TEK: variants seen among roughly 807,000 people sequenced by gnomAD.
TEK encodes the protein TEK receptor tyrosine kinase.
TEK carries 43 observed loss-of-function variants against 131.8 expected under a neutral mutation model. The ratio of observed to expected loss-of-function variants is 0.33; its 90% confidence interval spans 0.26 to 0.42. TEK has a LOEUF of 0.42. Among genes scored for constraint, TEK ranks in the 10% least tolerant of loss-of-function variants. The probability of loss-of-function intolerance (pLI) is 1.00; values close to 1 mark genes in which losing one functional copy is unlikely to be tolerated. For missense variants in TEK, 1,162 were observed against 1,384.4 expected (o/e 0.84, Z 2.55); for synonymous variants, 580 against 491.6 (o/e 1.18, Z -2.38).
intron 6 of TEK, among the ~76,000 whole-genome samples, chr9:27,177,589 A>G (rs2131158766): frequency 6.6e-6 from 1 of 152,158 alleles, no homozygotes; most frequent in East Asian, 1.9e-4. Context: ...CGTCTCTACT[A>G]AAAATACAGA....
At chr9:27,188,149 C>T (rs948445821) in intron 9 of TEK, among the ~76,000 whole-genome samples, 1 of 152,066 alleles carries the variant, frequency 6.6e-6, no homozygotes, top group Non-Finnish European at 1.5e-5. Context: ...AAAGAACAGG[C>T]AATACTAATC....
chr9:27,189,304 A>T (rs1259217446), intron 9 of TEK, among the ~76,000 whole-genome samples: 2 of 152,134 alleles, frequency 1.3e-5, no homozygotes, highest in Non-Finnish European at 2.9e-5. Flanking sequence ...TTTTATTATC[A>T]TCCCACTAAG....
At chr9:27,176,507 G>T (rs1348239325) in intron 6 of TEK, among the ~76,000 whole-genome samples, 2 of 152,168 alleles carry the variant, frequency 1.3e-5, no homozygotes, top group Non-Finnish European at 2.9e-5. Context: ...TCTACCATCT[G>T]CTTTGAGTAA....
intron 18 of TEK, among the ~76,000 whole-genome samples, chr9:27,216,106 G>T (rs1587034474): frequency 6.6e-6 from 1 of 152,182 alleles, no homozygotes; most frequent in African/African-American, 2.4e-5. Context: ...AGGAAGCAAG[G>T]ATAAAGTCCT....
intron 1 of TEK, among the ~76,000 whole-genome samples, chr9:27,154,934 A>G (rs1307075114): frequency 6.6e-6 from 1 of 152,234 alleles, no homozygotes; most frequent in Non-Finnish European, 1.5e-5. Flanking sequence ...TAATTTATAC[A>G]TAGCTTGGTT....
At chr9:27,113,294 A>T (rs565319258) in intron 1 of TEK, among the ~76,000 whole-genome samples, 1 of 152,272 alleles carries the variant, frequency 6.6e-6, no homozygotes, top group Admixed American at 6.5e-5. Flanking sequence ...GAACTCTCTT[A>T]ATAAATGAAG....
intron 9 of TEK, among the ~76,000 whole-genome samples, chr9:27,185,883 T>C (rs1458956096): frequency 6.6e-6 from 1 of 152,224 alleles, no homozygotes; most frequent in Non-Finnish European, 1.5e-5. Context: ...CCAAATGAAG[T>C]TACCTTTTTG....
At position 27,218,080 on chromosome 9, in the gene TEK, C is replaced by T. The variant is rs546925739; in HGVS notation, c.3062+322C>T. On this transcript the variant is annotated intron_variant, in intron 19 of 22. Transcript: ENST00000380036. ...TGTGGCTCCTCTCCCAGACCTAGAT[C>T]AGAGGAAGCAACCCAGAATAGCTGC... is the stretch of plus-strand genomic sequence containing the variant. Among the ~76,000 whole-genome samples, 5 of 147,232 alleles carry T rather than the reference C, an allele frequency of 3.4e-5. No individual in the cohort carries two copies. In the South Asian group the frequency reaches 1.1e-3, roughly 33 times the overall value.
chr9:27,213,467 G>A lies in TEK; in HGVS notation c.2878-17G>A, dbSNP rs373020197. On this transcript the variant is annotated splice_polypyrimidine_tract_variant and intron_variant, in intron 17 of 22. Coordinates refer to ENST00000380036, the MANE Select transcript of TEK (RefSeq NM_000459.5). ...TTTCATTAGGCTGAAAATACATAATGTTTTCAAAAATTTCAGTTTATCCAC... is the reference window on the plus strand; with the variant it reads ...TTTCATTAGGCTGAAAATACATAATATTTTCAAAAATTTCAGTTTATCCAC... The A allele has an allele frequency of 1.9e-6, 3 of 1,597,996 alleles. No homozygotes were observed. The highest frequency in any genetic ancestry group is 2.2e-5 in the South Asian group (2 of 90,744).
chr9:27,180,479 C>T, intron 7 of TEK, 111 bp downstream of exon 7: 7 of 1,471,714 alleles, frequency 4.8e-6, no homozygotes, highest in Non-Finnish European at 5.5e-6. Context: ...CTTTTGTTTC[C>T]ATCCAGAAGT....
At chr9:27,116,171 G>A (rs1397517622) in intron 1 of TEK, among the ~76,000 whole-genome samples, 1 of 152,176 alleles carries the variant, frequency 6.6e-6, no homozygotes, top group African/African-American at 2.4e-5. Context: ...AGGAGAATAA[G>A]TCATTGCTCC....
chr9:27,175,509 G>A (rs1423667968), intron 6 of TEK, among the ~76,000 whole-genome samples: 1 of 152,068 alleles, frequency 6.6e-6, no homozygotes, highest in Admixed American at 6.6e-5. Flanking sequence ...ACCCAGTAAT[G>A]GGGTGGCTGG....
chr9:27,138,152 T>C (rs142157220), intron 1 of TEK, among the ~76,000 whole-genome samples: 9 of 152,356 alleles, frequency 5.9e-5, no homozygotes, highest in African/African-American at 1.9e-4. Flanking sequence ...ATAAAGGTAG[T>C]GCAGACCCAA....
At chr9:27,214,593 A>G (rs374659843) in intron 18 of TEK, among the ~76,000 whole-genome samples, 25 of 152,204 alleles carry the variant, frequency 1.6e-4, no homozygotes, top group East Asian at 1.5e-3. Context: ...AAGTAAAACA[A>G]TACTCAAGAA....
intron 18 of TEK, among the ~76,000 whole-genome samples, chr9:27,217,187 C>T (rs115351112): frequency 1.3e-5 from 2 of 152,144 alleles, no homozygotes; most frequent in Admixed American, 6.5e-5. Flanking sequence ...TCCAGAGATG[C>T]TCTTTCCTCT....
At chr9:27,206,312 A>G (rs1480687001) in intron 14 of TEK, among the ~76,000 whole-genome samples, 3 of 152,190 alleles carry the variant, frequency 2.0e-5, no homozygotes, top group African/African-American at 7.2e-5. Context: ...CACATGGAAT[A>G]TGTACTGTTA....
intron 1 of TEK, among the ~76,000 whole-genome samples, chr9:27,138,727 A>G (rs1010492990): frequency 1.3e-5 from 2 of 152,218 alleles, no homozygotes; most frequent in African/African-American, 4.8e-5. Context: ...TGGAAAATAC[A>G]GTATTCACAG....
At position 27,213,629 on chromosome 9, in the gene TEK, C is replaced by G. The variant is rs1825713083; in HGVS notation, c.2991+32C>G. The G allele has an allele frequency of 1.6e-5, 24 of 1,524,376 alleles. No individual in the cohort carries two copies. The East Asian group carries it at 5.2e-4, about 33-fold the overall frequency. 94.4% of individuals were successfully genotyped at this position (1,524,376 alleles called of 1,614,324 possible). On this transcript the variant is annotated intron_variant, in intron 18 of 22. Transcript: ENST00000380036. ...GCCAGACACAGACACTGATCGCATCCTTTCCGAGGTACTCCCCTGTCTCCT... is the reference window on the plus strand; with the variant it reads ...GCCAGACACAGACACTGATCGCATCGTTTCCGAGGTACTCCCCTGTCTCCT...
chr9:27,221,926 T>C (rs1826100289), intron 21 of TEK, among the ~76,000 whole-genome samples: 1 of 152,010 alleles, frequency 6.6e-6, no homozygotes, highest in African/African-American at 2.4e-5. Flanking sequence ...AGAAGGTGGG[T>C]AATAACAAAC....
Sources: gnomAD v4.1 joint callset for allele counts (sites outside exome capture counted in the v4.1 genomes callset) on GRCh38, gnomAD v4.1.1 for gene constraint, MANE v1.5 for transcripts, NCBI Gene and HGNC (gene_info 2026-07-23, HGNC 2026-07-21) for gene names.